The following ESR1 variants were observed in gnomAD, a reference collection of about 807,000 sequenced individuals.
The protein encoded by ESR1 is estrogen receptor.
ESR1 carries 12 observed loss-of-function variants against 52.7 expected under a neutral mutation model. The ratio of observed to expected loss-of-function variants is 0.23; its 90% CI spans 0.15 to 0.37. The LOEUF (loss-of-function observed/expected upper bound fraction) is 0.37. Ranked by LOEUF, ESR1 falls within the 10% of genes least tolerant of loss-of-function variation. The pLI is 1.00. For missense variants in ESR1, 584 were observed against 779.7 expected (o/e 0.75, Z 2.99); for synonymous variants, 305 against 316.8 (o/e 0.96, Z 0.39).
At chr6:151,659,829 C>T (rs1777578592) in intron 1 of ESR1, among the ~76,000 whole-genome samples, 1 of 152,124 alleles carries the variant, frequency 6.6e-6, no homozygotes, top group South Asian at 2.1e-4. Flanking sequence ...AAATTCATAG[C>T]AGATTATGAC....
At chr6:151,890,699 A>G (rs76479112) in intron 3 of ESR1, among the ~76,000 whole-genome samples, 1,601 of 152,194 alleles carry the variant, frequency 0.011, 19 homozygotes, top group African/African-American at 0.038. Flanking sequence ...CACCTGTTAT[A>G]TCCTCTTAAT....
At chr6:152,011,855 A>G (rs2128780237) in intron 5 of ESR1, 61 bp downstream of exon 5, 9 of 1,564,224 alleles carry the variant, frequency 5.8e-6, no homozygotes, top group Non-Finnish European at 7.9e-6. Flanking sequence ...TTCATTCATG[A>G]AACTATTTTA....
chr6:151,974,239 C>A (rs769975919), intron 4 of ESR1, among the ~76,000 whole-genome samples: 2 of 152,154 alleles, frequency 1.3e-5, no homozygotes, highest in Non-Finnish European at 2.9e-5. Context: ...CTAATTTAAT[C>A]ATTGAGATAA....
chr6:151,809,692 T>G (rs1465838493), intron 1 of ESR1, among the ~76,000 whole-genome samples: 1 of 152,194 alleles, frequency 6.6e-6, no homozygotes, highest in Admixed American at 6.5e-5. Flanking sequence ...GGGTATTCAG[T>G]GTGCATCTTC....
At chr6:151,912,712 C>A (rs1168657582) in intron 3 of ESR1, among the ~76,000 whole-genome samples, 1 of 152,118 alleles carries the variant, frequency 6.6e-6, no homozygotes, top group Non-Finnish European at 1.5e-5. Flanking sequence ...ATATTCTTTA[C>A]ACTTATTAAA....
intron 1 of ESR1, among the ~76,000 whole-genome samples, chr6:151,829,230 A>T (rs1411814525): frequency 6.6e-6 from 1 of 152,206 alleles, no homozygotes; most frequent in South Asian, 2.1e-4. Flanking sequence ...AATTATGTTT[A>T]CTTTGTCTTT....
chr6:152,028,030 G>C (rs1723988485), intron 5 of ESR1, among the ~76,000 whole-genome samples: 1 of 151,996 alleles, frequency 6.6e-6, no homozygotes, highest in South Asian at 2.1e-4. Context: ...TGTAGTCCCA[G>C]CTACTCGGGA....
chr6:151,749,992 T>C (rs1013142854), intron 2 of ESR1, among the ~76,000 whole-genome samples: 5 of 152,186 alleles, frequency 3.3e-5, no homozygotes, highest in Non-Finnish European at 7.3e-5. Context: ...TTAATTGACA[T>C]GTCAGGTTTT....
intron 3 of ESR1, among the ~76,000 whole-genome samples, chr6:151,909,981 A>G (rs1432674493): frequency 2.6e-5 from 4 of 152,040 alleles, no homozygotes; most frequent in Admixed American, 1.3e-4. Flanking sequence ...AGACAGAAGG[A>G]CCAAAGAAGG....
rs1308745356 is a variant in ESR1 at position 152,100,574 on chromosome 6, A to G, written c.*1608A>G. On this transcript the variant is annotated 3_prime_UTR_variant, in exon 8 of 8. Coordinates refer to ENST00000206249, the MANE Select transcript of ESR1 (RefSeq NM_000125.4). ...TATGGGTTACTTCCTTTTTCTTAAC[A>G]AAAAAGAATGTTTGATTTCCTCTGG... 4 of 232,392 alleles carry G rather than the reference A, an allele frequency of 1.7e-5. No homozygotes were observed. The highest frequency in any genetic ancestry group is 8.8e-5 in the African/African-American group (4 of 45,294). 14.4% of individuals were successfully genotyped at this position (232,392 alleles called of 1,614,324 possible). A position where few individuals can be genotyped will look rare whatever the true frequency, so the allele number is the denominator to read the frequency against.
At chr6:151,849,623 G>A (rs566347162) in intron 2 of ESR1, among the ~76,000 whole-genome samples, 8 of 149,390 alleles carry the variant, frequency 5.4e-5, no homozygotes, top group African/African-American at 1.2e-4. Flanking sequence ...CAGCCTGGGC[G>A]ACAGAGTGAG....
intron 3 of ESR1, among the ~76,000 whole-genome samples, chr6:151,890,089 C>CTTT (rs769048933): frequency 1.4e-5 from 2 of 140,792 alleles, no homozygotes; most frequent in African/African-American, 2.6e-5. Context: ...TGTTTTTTTT[C>CTTT]TTTTTTTTTT....
intron 1 of ESR1, among the ~76,000 whole-genome samples, chr6:151,828,134 AG>A (rs1781821079): frequency 6.6e-6 from 1 of 152,230 alleles, no homozygotes; most frequent in Non-Finnish European, 1.5e-5. Flanking sequence ...AACTTTGTGC[AG>A]GTAACTAGGC....
At chr6:152,067,829 A>T (rs536963147) in intron 6 of ESR1, among the ~76,000 whole-genome samples, 1 of 152,314 alleles carries the variant, frequency 6.6e-6, no homozygotes, top group African/African-American at 2.4e-5. Flanking sequence ...CTCCATCTCA[A>T]AAAATTTTTA....
At chr6:152,077,889 C>T (rs2048872603) in intron 6 of ESR1, among the ~76,000 whole-genome samples, 1 of 152,166 alleles carries the variant, frequency 6.6e-6, no homozygotes, top group South Asian at 2.1e-4. Context: ...GCAAAAGGGA[C>T]TTGCCTTGTC....
intron 1 of ESR1, among the ~76,000 whole-genome samples, chr6:151,680,204 CTTTTT>C (rs35600661): frequency 2.4e-5 from 3 of 126,796 alleles, no homozygotes; most frequent in Admixed American, 8.3e-5. Flanking sequence ...TTTCTTTTCT[CTTTTT>C]TTTTTTTTTT....
chr6:152,046,718 G>C (rs60591437), intron 5 of ESR1, among the ~76,000 whole-genome samples: 1 of 152,080 alleles, frequency 6.6e-6, no homozygotes, highest in Non-Finnish European at 1.5e-5. Flanking sequence ...TTGAATGTGG[G>C]CTGAGAAGTC....
chr6:151,751,090 G>C (rs1783868515), intron 2 of ESR1, among the ~76,000 whole-genome samples: 1 of 152,148 alleles, frequency 6.6e-6, no homozygotes. Flanking sequence ...TAATCAGCTT[G>C]GCATCAGCAT....
In ESR1 at chr6:151,923,170, G is replaced by A. The variant is rs766736394; in HGVS notation, c.761-21003G>A. ...AACAGATTCCACTTACTCATTTTCC[G>A]AGTCACTTAGGTTAGCGCCTTATTT... On this transcript the variant is annotated intron_variant, in intron 3 of 7. Transcript: ENST00000206249. 6.6e-5 allele frequency among the ~76,000 whole-genome samples: 10 copies of A among 152,192 alleles called. No homozygotes were observed. In the South Asian group the frequency reaches 1.0e-3, roughly 16 times the overall value.
Sources: allele counts gnomAD v4.1 joint callset (sites outside exome capture counted in the v4.1 genomes callset), GRCh38; gene constraint gnomAD v4.1.1; transcripts MANE v1.5; gene names NCBI Gene and HGNC (gene_info 2026-07-23, HGNC 2026-07-21).